Variants in CSMD1 observed in about 807,000 individuals in gnomAD.
CSMD1 encodes the protein CUB and sushi domain-containing protein 1.
Under a neutral mutation model 417.5 loss-of-function variants are expected in CSMD1, and 213 were observed. The observed-to-expected ratio is 0.51, with a 90% confidence interval of 0.46 to 0.57. The LOEUF (loss-of-function observed/expected upper bound fraction) is 0.57, where lower values mean the gene tolerates loss of function less well. Among genes scored for constraint, CSMD1 ranks in the 20% least tolerant of loss-of-function variants. CSMD1 has a pLI of 0.00. For synonymous variants in CSMD1, 2,862 were observed against 1,736.8 expected (o/e 1.65, Z -16.11); for missense variants, 6,923 against 4,529.7 (o/e 1.53, Z -15.17).
At chr8:3,847,227 G>C (rs1336146884) in intron 5 of CSMD1, among the ~76,000 whole-genome samples, 1 of 152,124 alleles carries the variant, frequency 6.6e-6, no homozygotes, top group Non-Finnish European at 1.5e-5. Context: ...ACAGGGCAAA[G>C]GTGAAGACAT....
intron 37 of CSMD1, among the ~76,000 whole-genome samples, chr8:3,168,588 C>A (rs565111663): frequency 6.6e-6 from 1 of 151,546 alleles, no homozygotes; most frequent in Non-Finnish European, 1.5e-5. Flanking sequence ...CCTCTGCACC[C>A]AGACTTCTAT....
At chr8:4,110,185 A>G (rs1374817650) in intron 3 of CSMD1, among the ~76,000 whole-genome samples, 1 of 152,192 alleles carries the variant, frequency 6.6e-6, no homozygotes, top group Non-Finnish European at 1.5e-5. Context: ...TCACATATCT[A>G]AAGAATAAAA....
chr8:4,254,941 A>G (rs954068016), intron 3 of CSMD1, among the ~76,000 whole-genome samples: 11 of 152,318 alleles, frequency 7.2e-5, no homozygotes, highest in African/African-American at 2.6e-4. Context: ...TAATCAACAC[A>G]TGACTGGAGT....
At chr8:4,145,746 C>T (rs1417658570) in intron 3 of CSMD1, among the ~76,000 whole-genome samples, 2 of 151,010 alleles carry the variant, frequency 1.3e-5, no homozygotes, top group African/African-American at 2.5e-5. Context: ...GAACCAAAGT[C>T]AACACTGATT....
At chr8:3,610,542 T>C (rs553254617) in intron 8 of CSMD1, among the ~76,000 whole-genome samples, 2 of 152,260 alleles carry the variant, frequency 1.3e-5, no homozygotes, top group South Asian at 4.1e-4. Flanking sequence ...TATAAGTATA[T>C]AATATAGGTC....
At chr8:3,767,367 C>A (rs1007274055) in intron 5 of CSMD1, among the ~76,000 whole-genome samples, 3 of 152,330 alleles carry the variant, frequency 2.0e-5, no homozygotes, top group East Asian at 1.9e-4. Context: ...TGTCCTTTCC[C>A]ATGTGGGTGA....
intron 5 of CSMD1, among the ~76,000 whole-genome samples, chr8:3,925,432 T>C (rs1391682881): frequency 6.6e-6 from 1 of 152,208 alleles, no homozygotes; most frequent in Non-Finnish European, 1.5e-5. Flanking sequence ...ATATTTAAAT[T>C]ATACAGTTAA....
chr8:3,598,926 C>T (rs929866248), intron 8 of CSMD1, among the ~76,000 whole-genome samples: 3 of 151,942 alleles, frequency 2.0e-5, no homozygotes, highest in East Asian at 1.9e-4. Context: ...ATGAAAAATA[C>T]AAAAATTAAC....
chr8:4,106,015 G>T (rs1394406440), intron 3 of CSMD1, among the ~76,000 whole-genome samples: 1 of 152,206 alleles, frequency 6.6e-6, no homozygotes, highest in Non-Finnish European at 1.5e-5. Context: ...CTTCGGGTGT[G>T]CCACCATCTC....
intron 1 of CSMD1, among the ~76,000 whole-genome samples, chr8:4,791,127 A>T (rs1797666660): frequency 1.4e-5 from 2 of 141,780 alleles, no homozygotes; most frequent in Admixed American, 1.4e-4. Context: ...ACGGGGAGGG[A>T]GAAACTTTTA....
At chr8:4,423,014 G>C (rs1563157567) in intron 2 of CSMD1, among the ~76,000 whole-genome samples, 1 of 151,934 alleles carries the variant, frequency 6.6e-6, no homozygotes, top group East Asian at 1.9e-4. Context: ...CATATGATTG[G>C]AAGGAATCTT....
intron 1 of CSMD1, among the ~76,000 whole-genome samples, chr8:4,642,168 A>G (rs1803234076): frequency 6.6e-6 from 1 of 152,140 alleles, no homozygotes; most frequent in Non-Finnish European, 1.5e-5. Flanking sequence ...AGCCTATAGG[A>G]CTACTTGTTC....
chr8:4,403,248 C>T (rs778555244), intron 3 of CSMD1, among the ~76,000 whole-genome samples: 132 of 152,292 alleles, frequency 8.7e-4, no homozygotes, highest in Non-Finnish European at 1.7e-3. Flanking sequence ...ATTTCTCCTA[C>T]GTTAAAGGCA....
intron 57 of CSMD1, among the ~76,000 whole-genome samples, chr8:2,967,400 A>C (rs987384655): frequency 6.6e-6 from 1 of 152,212 alleles, no homozygotes; most frequent in African/African-American, 2.4e-5. Flanking sequence ...TACAGGCAAT[A>C]AGGCCTCAAT....
At chr8:4,406,959 G>C (rs972186109) in intron 3 of CSMD1, among the ~76,000 whole-genome samples, 4 of 152,144 alleles carry the variant, frequency 2.6e-5, no homozygotes, top group Admixed American at 6.5e-5. Flanking sequence ...AGAGTATCTT[G>C]TTTCCTAAAC....
Position 4,290,117 on chromosome 8 carries a change from T to C in CSMD1, c.415+129836A>G, listed in dbSNP as rs1364280217. ...AGATGTGCAACAAAACCAAACGGAATCAAATACAAACAGGCAGGGAGTGGT... is the reference window on the plus strand; with the variant it reads ...AGATGTGCAACAAAACCAAACGGAACCAAATACAAACAGGCAGGGAGTGGT... On this transcript the variant is annotated intron_variant, in intron 3 of 69. Transcript: ENST00000635120. Among the ~76,000 whole-genome samples, 6 of 152,126 alleles carry C rather than the reference T, an allele frequency of 3.9e-5. No homozygotes were observed. The East Asian group carries it at 1.2e-3, about 29-fold the overall frequency.
At chr8:4,523,203 G>T (rs909226955) in intron 2 of CSMD1, among the ~76,000 whole-genome samples, 1 of 152,112 alleles carries the variant, frequency 6.6e-6, no homozygotes, top group Non-Finnish European at 1.5e-5. Context: ...CTTAATACTT[G>T]ACATGTTCAC....
chr8:2,941,838 T>G (rs555296199), intron 69 of CSMD1, among the ~76,000 whole-genome samples: 1 of 152,340 alleles, frequency 6.6e-6, no homozygotes, highest in African/African-American at 2.4e-5. Flanking sequence ...ATAGAGAACA[T>G]TCTGTTCACC....
intron 2 of CSMD1, among the ~76,000 whole-genome samples, chr8:4,489,887 A>G (rs1302899313): frequency 6.6e-6 from 1 of 152,046 alleles, no homozygotes; most frequent in Non-Finnish European, 1.5e-5. Flanking sequence ...CCAGACTACG[A>G]CCCACAGACA....
Sources: gnomAD v4.1 joint callset for allele counts (sites outside exome capture counted in the v4.1 genomes callset) on GRCh38, gnomAD v4.1.1 for gene constraint, MANE v1.5 for transcripts, NCBI Gene and HGNC (gene_info 2026-07-23, HGNC 2026-07-21) for gene names.